Variants in LSAMP observed in about 807,000 individuals in gnomAD.
The protein encoded by LSAMP is limbic system associated membrane protein.
Under a neutral mutation model 38.6 loss-of-function variants are expected in LSAMP, and 7 were observed. The ratio of observed to expected loss-of-function variants is 0.18; its 90% confidence interval spans 0.10 to 0.34. The LOEUF (loss-of-function observed/expected upper bound fraction) is 0.34. Ranked by LOEUF, LSAMP falls within the 10% of genes least tolerant of loss-of-function variation. The pLI is 1.00. For synonymous variants in LSAMP, 154 were observed against 166.8 expected (o/e 0.92, Z 0.59); for missense variants, 313 against 420.0 (o/e 0.75, Z 2.23).
intron 6 of LSAMP, among the ~76,000 whole-genome samples, chr3:115,823,582 T>C (rs537791523): frequency 5.3e-5 from 8 of 152,336 alleles, no homozygotes; most frequent in African/African-American, 1.7e-4. Context: ...ATAATGAGAA[T>C]GCATAACATT....
At chr3:115,854,459 T>A (rs1188910018) in intron 3 of LSAMP, among the ~76,000 whole-genome samples, 2 of 151,706 alleles carry the variant, frequency 1.3e-5, no homozygotes, top group African/African-American at 4.8e-5. Context: ...ATTTTTTGTA[T>A]TTTTAGTAGA....
chr3:115,996,646 G>GA (rs577230057), intron 3 of LSAMP, among the ~76,000 whole-genome samples: 3 of 151,340 alleles, frequency 2.0e-5, no homozygotes, highest in East Asian at 1.9e-4. Flanking sequence ...TGGATGTGGG[G>GA]AAAAAAAACA....
At chr3:116,262,960 A>G (rs984037925) in intron 1 of LSAMP, among the ~76,000 whole-genome samples, 10 of 152,176 alleles carry the variant, frequency 6.6e-5, no homozygotes, top group Non-Finnish European at 1.5e-4. Context: ...CAGTGAGAAG[A>G]AGGTTAAAAA....
At chr3:115,858,111 C>G (rs1935562550) in intron 3 of LSAMP, among the ~76,000 whole-genome samples, 1 of 150,734 alleles carries the variant, frequency 6.6e-6, no homozygotes. Flanking sequence ...TTTCTCTCCT[C>G]CCTCTCCCTC....
At position 116,086,429 on chromosome 3, in the gene LSAMP, T is replaced by C; in HGVS notation, c.283A>G (p.Ser95Gly). 1 of 1,614,102 alleles carries C rather than the reference T, an allele frequency of 6.2e-7. No individual in the cohort carries two copies. ...ACATCCACCTTCTGGATTCGGAGGC[T>C]GTATTCCAGAGAATGGCGTTTCTCC... ...ELEKRHSLEY[S>G]LRIQKVDVYD... Residue 95 changes from serine to glycine, a missense_variant, in exon 2 of 7, where the codon AGC becomes GGC. Coordinates refer to ENST00000490035, the MANE Select transcript of LSAMP (RefSeq NM_002338.5).
At chr3:115,953,911 A>G (rs976220763) in intron 3 of LSAMP, among the ~76,000 whole-genome samples, 1 of 151,846 alleles carries the variant, frequency 6.6e-6, no homozygotes, top group Non-Finnish European at 1.5e-5. Flanking sequence ...GTTGGTTCTT[A>G]CCTTTCATTT....
intron 2 of LSAMP, among the ~76,000 whole-genome samples, chr3:116,025,469 G>T (rs1269331764): frequency 6.6e-6 from 1 of 151,820 alleles, no homozygotes; most frequent in East Asian, 1.9e-4. Flanking sequence ...TCTATTGATC[G>T]CTCTTTTGTT....
intron 1 of LSAMP, among the ~76,000 whole-genome samples, chr3:116,208,185 G>A (rs1451596373): frequency 1.3e-5 from 2 of 151,998 alleles, no homozygotes; most frequent in South Asian, 4.2e-4. Context: ...TCTTCCAGTT[G>A]ATCGCATCAG....
chr3:116,373,059 T>G (rs1362390119), intron 1 of LSAMP, among the ~76,000 whole-genome samples: 1 of 151,568 alleles, frequency 6.6e-6, no homozygotes, highest in Non-Finnish European at 1.5e-5. Flanking sequence ...ATCCAGCAAT[T>G]TCACTTCTAA....
At position 115,808,143 on chromosome 3, in the gene LSAMP, T is replaced by TCCCTCCCCCC. The variant is rs1933684290; in HGVS notation, c.*2164_*2173dup. 1.9e-5 allele frequency: 1 copy of TCCCTCCCCCC among 53,822 alleles called. No individual in the cohort carries two copies. Among genetic ancestry groups the TCCCTCCCCCC allele is most frequent in the African/African-American group, 9.3e-5 (1 of 10,808 alleles). 3.3% of individuals were successfully genotyped at this position (53,822 alleles called of 1,614,324 possible). A position where few individuals can be genotyped will look rare whatever the true frequency, so the allele number is the denominator to read the frequency against. On this transcript the variant is annotated 3_prime_UTR_variant, in exon 7 of 7. Coordinates refer to ENST00000490035, the MANE Select transcript of LSAMP (RefSeq NM_002338.5). ...CTCCCTCCCTCCCTCCCTCCCTCCC[T>TCCCTCCCCCC]CCCTCCCCCCCTTCCCCGTCCCCCC...
intron 1 of LSAMP, among the ~76,000 whole-genome samples, chr3:116,125,830 T>C (rs139338242): frequency 6.0e-4 from 91 of 152,296 alleles, no homozygotes; most frequent in African/African-American, 2.0e-3. Flanking sequence ...AGATTTATAA[T>C]TAGTAACCAA....
intron 1 of LSAMP, among the ~76,000 whole-genome samples, chr3:116,311,434 G>A (rs1378881639): frequency 6.6e-6 from 1 of 152,006 alleles, no homozygotes. Context: ...TCTCCCAAGC[G>A]ATTCTGATGC....
chr3:116,319,652 C>A (rs1050451018), intron 1 of LSAMP, among the ~76,000 whole-genome samples: 1 of 152,036 alleles, frequency 6.6e-6, no homozygotes, highest in Non-Finnish European at 1.5e-5. Flanking sequence ...TCTGCATATC[C>A]CTCTGGATCG....
At chr3:116,382,174 T>A (rs2048568075) in intron 1 of LSAMP, among the ~76,000 whole-genome samples, 1 of 152,072 alleles carries the variant, frequency 6.6e-6, no homozygotes, top group African/African-American at 2.4e-5. Context: ...CAAAGGATTA[T>A]AAATCATGCT....
chr3:116,113,420 A>ATATTTTTTTT (rs1553705042), intron 1 of LSAMP, among the ~76,000 whole-genome samples: 1 of 51,028 alleles, frequency 2.0e-5, no homozygotes, highest in African/African-American at 9.6e-5. Flanking sequence ...ATATATATAT[A>ATATTTTTTTT]TTTTTTTTTT....
intron 3 of LSAMP, among the ~76,000 whole-genome samples, chr3:115,890,414 A>G (rs995678085): frequency 3.9e-5 from 6 of 151,920 alleles, no homozygotes; most frequent in South Asian, 2.1e-4. Flanking sequence ...TAATCTGTCT[A>G]TTAATCAACA....
At chr3:116,297,900 A>C (rs1181031316) in intron 1 of LSAMP, among the ~76,000 whole-genome samples, 1 of 152,142 alleles carries the variant, frequency 6.6e-6, no homozygotes, top group Non-Finnish European at 1.5e-5. Context: ...TTCTTCAGTG[A>C]TACCCTGTTG....
chr3:116,062,631 A>G (rs1941614612), intron 2 of LSAMP, among the ~76,000 whole-genome samples: 1 of 152,124 alleles, frequency 6.6e-6, no homozygotes, highest in East Asian at 1.9e-4. Context: ...GATCTGTGCC[A>G]GTTATGTAAC....
At chr3:116,390,918 G>C (rs1286181956) in intron 1 of LSAMP, among the ~76,000 whole-genome samples, 6 of 151,892 alleles carry the variant, frequency 4.0e-5, no homozygotes, top group Admixed American at 3.9e-4. Context: ...GCCTTCCAGC[G>C]GGGTTCACTC....
Sources: allele counts gnomAD v4.1 joint callset (sites outside exome capture counted in the v4.1 genomes callset), GRCh38; gene constraint gnomAD v4.1.1; transcripts MANE v1.5; gene names NCBI Gene and HGNC (gene_info 2026-07-23, HGNC 2026-07-21).